Variants in EPHA6 observed in about 807,000 individuals in gnomAD.
EPHA6 encodes the protein ephrin type-A receptor 6.
Under a neutral mutation model 112.0 loss-of-function variants are expected in EPHA6, and 50 were observed. The observed-to-expected ratio is 0.45, with a 90% CI of 0.36 to 0.56. The LOEUF is 0.56. Among genes scored for constraint, EPHA6 ranks in the 20% least tolerant of loss-of-function variants. The pLI is 0.00. For missense variants in EPHA6, 1,280 were observed against 1,417.4 expected, an observed-to-expected ratio of 0.90 and a Z score of 1.56; for synonymous variants, 529 against 490.7, an observed-to-expected ratio of 1.08 and a Z score of -1.03.
intron 4 of EPHA6, among the ~76,000 whole-genome samples, chr3:97,234,872 T>C (rs1430423955): frequency 1.3e-5 from 2 of 152,122 alleles, no homozygotes; most frequent in South Asian, 2.1e-4. Flanking sequence ...AGACAACTGA[T>C]TGTGGGATCT....
chr3:96,987,590 C>A lies in EPHA6; in HGVS notation c.711C>A (p.Asn237Lys). 6.2e-7 allele frequency: 1 copy of A among 1,613,898 alleles called. No homozygotes were observed. The highest frequency in any genetic ancestry group is 8.5e-7 in the Non-Finnish European group (1 of 1,179,844). ...DESHGIKFKP[N>K]QYTKIDTIAA... is the part of the protein sequence containing the mutation. ...CCCACGGAATTAAATTCAAGCCAAA[C>A]CAGTATACAAAGATCGACACAATTG... The change falls in exon 3 of 18, where the codon AAC (asparagine) becomes AAA (lysine). Residue 237 changes from asparagine to lysine, a missense_variant. Physicochemically the swap from Asn to Lys is moderately conservative, Grantham distance 94. Transcript: ENST00000389672.
At chr3:97,321,548 T>C (rs1489245802) in intron 5 of EPHA6, among the ~76,000 whole-genome samples, 2 of 151,944 alleles carry the variant, frequency 1.3e-5, no homozygotes, top group African/African-American at 4.8e-5. Flanking sequence ...TATTTTCCTT[T>C]CCCCCTACCC....
chr3:96,882,768 G>GTGTGTGTGTGTATATA (rs774521290), intron 2 of EPHA6, among the ~76,000 whole-genome samples: 11 of 148,780 alleles, frequency 7.4e-5, no homozygotes, highest in South Asian at 4.2e-4. Flanking sequence ...GTGTGTGTGT[G>GTGTGTGTGTGTATATA]TATAGTCAAT....
At chr3:97,444,996 A>G (rs991180240) in intron 6 of EPHA6, among the ~76,000 whole-genome samples, 1 of 152,020 alleles carries the variant, frequency 6.6e-6, no homozygotes, top group African/African-American at 2.4e-5. Context: ...CCATAGGTAA[A>G]AGTCAACATC....
chr3:97,377,120 ACT>A (rs1411313440), intron 5 of EPHA6, among the ~76,000 whole-genome samples: 1 of 152,068 alleles, frequency 6.6e-6, no homozygotes, highest in Non-Finnish European at 1.5e-5. Context: ...ATATGGTTTC[ACT>A]CTGTGTCCCC....
intron 3 of EPHA6, among the ~76,000 whole-genome samples, chr3:97,047,310 C>T (rs1229310896): frequency 6.6e-6 from 1 of 151,786 alleles, no homozygotes; most frequent in African/African-American, 2.4e-5. Context: ...ACCATCCTGG[C>T]TAACATGGTG....
At chr3:97,348,286 A>G (rs2083635132) in intron 5 of EPHA6, among the ~76,000 whole-genome samples, 1 of 152,078 alleles carries the variant, frequency 6.6e-6, no homozygotes, top group Non-Finnish European at 1.5e-5. Flanking sequence ...GTTGACAATG[A>G]TATTCATATT....
intron 14 of EPHA6, among the ~76,000 whole-genome samples, chr3:97,685,560 C>A (rs2032185426): frequency 6.6e-6 from 1 of 152,136 alleles, no homozygotes. Flanking sequence ...CCTCCACCAT[C>A]TGAAATATCT....
chr3:97,756,768 A>C lies in EPHA6; in HGVS notation c.*8067A>C, dbSNP rs2107935498. Among the ~76,000 whole-genome samples, 1 of 152,008 alleles carries C rather than the reference A, an allele frequency of 6.6e-6. No individual in the cohort carries two copies. The highest frequency in any genetic ancestry group is 3.4e-3 in the Middle Eastern group (1 of 294). ...ACACAATATCTGAGCAGTGTTAACAAATATGAACATGAGTAACATTTGATG... is the reference window on the plus strand; with the variant it reads ...ACACAATATCTGAGCAGTGTTAACACATATGAACATGAGTAACATTTGATG... On this transcript the variant is annotated 3_prime_UTR_variant, in exon 18 of 18. Coordinates refer to ENST00000389672, the MANE Select transcript of EPHA6 (RefSeq NM_001080448.3).
At chr3:96,916,979 C>CTTGAAATGACTACAGCCCA (rs1418655277) in intron 2 of EPHA6, among the ~76,000 whole-genome samples, 1 of 152,122 alleles carries the variant, frequency 6.6e-6, no homozygotes, top group African/African-American at 2.4e-5. Context: ...CATTGCTGTG[C>CTTGAAATGACTACAGCCCA]TTTCAGTGGG....
intron 3 of EPHA6, among the ~76,000 whole-genome samples, chr3:97,198,898 A>T (rs2077509212): frequency 6.6e-6 from 1 of 152,150 alleles, no homozygotes; most frequent in Non-Finnish European, 1.5e-5. Context: ...GCCTTCCATG[A>T]TGATGACTGA....
intron 5 of EPHA6, among the ~76,000 whole-genome samples, chr3:97,274,697 T>A (rs1050569606): frequency 6.6e-6 from 1 of 151,984 alleles, no homozygotes; most frequent in South Asian, 2.1e-4. Context: ...TGCTGGTGAG[T>A]GGCAATTAGG....
chr3:97,012,413 C>A (rs2062939154), intron 3 of EPHA6, among the ~76,000 whole-genome samples: 1 of 151,224 alleles, frequency 6.6e-6, no homozygotes. Flanking sequence ...ACATCTCCGA[C>A]TCTGGGCTCA....
At chr3:96,948,326 G>C (rs914586138) in intron 2 of EPHA6, among the ~76,000 whole-genome samples, 2 of 152,124 alleles carry the variant, frequency 1.3e-5, no homozygotes, top group Admixed American at 1.3e-4. Flanking sequence ...ACATAAAGTT[G>C]ATTGTGATTC....
intron 5 of EPHA6, among the ~76,000 whole-genome samples, chr3:97,248,583 AG>A (rs2079046053): frequency 6.6e-6 from 1 of 152,096 alleles, no homozygotes; most frequent in Non-Finnish European, 1.5e-5. Flanking sequence ...TATTTGCTAA[AG>A]GGTCTTTAAA....
Position 97,062,617 on chromosome 3 carries a change from A to G in EPHA6, c.1114+74624A>G, listed in dbSNP as rs544995660. ...TGTTGTGGGAGGGACCCAATGGGAG[A>G]TAATTGAATGATGTGGGCGGTTCCC... On this transcript the variant is annotated intron_variant, in intron 3 of 17. Coordinates refer to ENST00000389672, the MANE Select transcript of EPHA6 (RefSeq NM_001080448.3). Among the ~76,000 whole-genome samples the G allele has an allele frequency of 1.4e-4, 21 of 152,288 alleles. 1 individual carries two copies. Among genetic ancestry groups the G allele is most frequent in the African/African-American group, 5.1e-4 (21 of 41,568 alleles).
intron 3 of EPHA6, among the ~76,000 whole-genome samples, chr3:97,050,560 T>C (rs2045652934): frequency 6.6e-6 from 1 of 152,110 alleles, no homozygotes; most frequent in African/African-American, 2.4e-5. Context: ...ACTGATAAAC[T>C]AAAATGGAGG....
At chr3:97,056,642 C>A (rs1030941117) in intron 3 of EPHA6, among the ~76,000 whole-genome samples, 7 of 152,024 alleles carry the variant, frequency 4.6e-5, no homozygotes, top group Admixed American at 4.6e-4. Context: ...GGATCTGGAC[C>A]CAGACTTCAC....
At chr3:97,078,436 T>C (rs551958542) in intron 3 of EPHA6, among the ~76,000 whole-genome samples, 3 of 152,318 alleles carry the variant, frequency 2.0e-5, no homozygotes, top group South Asian at 4.1e-4. Context: ...TTGTTGCCAT[T>C]GCTTTTGGTG....
Sources: gnomAD v4.1 joint callset for allele counts (sites outside exome capture counted in the v4.1 genomes callset) on GRCh38, gnomAD v4.1.1 for gene constraint, MANE v1.5 for transcripts, NCBI Gene and HGNC (gene_info 2026-07-23, HGNC 2026-07-21) for gene names.